Variants in COL5A1 observed in about 807,000 individuals in gnomAD.
COL5A1 encodes the protein collagen alpha-1(V) chain.
COL5A1 carries 16 observed loss-of-function variants against 263.7 expected under a neutral mutation model. That is an observed-to-expected ratio of 0.06 (90% CI 0.04 to 0.09). The LOEUF is 0.09. Among genes scored for constraint, COL5A1 ranks in the 10% least tolerant of loss-of-function variants. The pLI, the probability that COL5A1 is intolerant of heterozygous loss-of-function variation, is 1.00. For synonymous variants in COL5A1, 1,012 were observed against 1,004.5 expected, an observed-to-expected ratio of 1.01 and a Z score of -0.14; for missense variants, 2,036 against 2,540.5, an observed-to-expected ratio of 0.80 and a Z score of 4.27.
Position 134,842,077 on chromosome 9 carries a change from C to G in COL5A1, c.5371-80C>G. ...CACCAGCCTGGGTTTTGGAGCCAGACAGATTGTGGGGGGTGATTGGTAAAC... is the reference window on the plus strand; with the variant it reads ...CACCAGCCTGGGTTTTGGAGCCAGAGAGATTGTGGGGGGTGATTGGTAAAC... On this transcript the variant is annotated intron_variant, in intron 65 of 65. Transcript: ENST00000371817. The surrounding 1 kb of genome is among the most constrained non-coding windows in gnomAD (Gnocchi z 5.8). The G allele has an allele frequency of 1.9e-6, 3 of 1,557,016 alleles. No homozygotes were observed. The highest frequency in any genetic ancestry group is 2.2e-5 in the South Asian group (2 of 89,518).
At chr9:134,740,064 G>A (rs937841485) in intron 11 of COL5A1, among the ~76,000 whole-genome samples, 1 of 152,220 alleles carries the variant, frequency 6.6e-6, no homozygotes, top group Admixed American at 6.5e-5. Context: ...TCCAGAAGAG[G>A]CGGGTCTTGC....
At chr9:134,805,733 G>A (rs999267832) in intron 41 of COL5A1, among the ~76,000 whole-genome samples, 2 of 152,164 alleles carry the variant, frequency 1.3e-5, no homozygotes, top group Non-Finnish European at 1.5e-5. Flanking sequence ...GCACAGCAGA[G>A]AGGGGAGTGG....
At chr9:134,811,444 T>C (rs1180868699) in intron 45 of COL5A1, 48 bp from the exon 46 acceptor site, 2 of 1,613,250 alleles carry the variant, frequency 1.2e-6, no homozygotes, top group Non-Finnish European at 1.7e-6. Context: ...CCCCCAGAGC[T>C]GCTGGCATTG....
In COL5A1 at chr9:134,696,341, T is replaced by G. The variant is rs1464423377; in HGVS notation, c.278-3568T>G. ...GGTGTGTGCCACCACACCCGGCTAA[T>G]TTTTTTTATATTTTTGGCAGAGACA... On this transcript the variant is annotated intron_variant, in intron 2 of 65. Transcript: ENST00000371817. This position sits in a 1 kb window ranked among gnomAD's most constrained non-coding sequence, Gnocchi z 4.3. Among the ~76,000 whole-genome samples the G allele has an allele frequency of 6.6e-6, 1 of 151,930 alleles. No individual in the cohort carries two copies. Among genetic ancestry groups the G allele is most frequent in the Non-Finnish European group, 1.5e-5 (1 of 67,974 alleles).
chr9:134,796,925 G>A lies in COL5A1; in HGVS notation c.2898+24G>A, dbSNP rs755953706. ...CTGTAAGTAATGGCTTCCTTGCTGG[G>A]CCAGCACTGCCTGTCCCCTCCAAAA... On this transcript the variant is annotated intron_variant, in intron 36 of 65. Coordinates refer to ENST00000371817, the MANE Select transcript of COL5A1 (RefSeq NM_000093.5). 70 of 1,607,320 alleles carry A rather than the reference G, an allele frequency of 4.4e-5. No individual in the cohort carries two copies. In the East Asian group the frequency reaches 7.8e-4, roughly 18 times the overall value.
intron 1 of COL5A1, among the ~76,000 whole-genome samples, chr9:134,654,610 A>AGGGTGTGTAGGGCTGG (rs1831863279): frequency 8.0e-5 from 1 of 12,490 alleles, no homozygotes; most frequent in Non-Finnish European, 1.5e-4. Flanking sequence ...TGTAGGGCTG[A>AGGGTGTGTAGGGCTGG]GGGTGTGTAG....
chr9:134,651,047 G>T (rs1280476910), intron 1 of COL5A1, among the ~76,000 whole-genome samples: 2 of 152,194 alleles, frequency 1.3e-5, no homozygotes, highest in South Asian at 2.1e-4. Flanking sequence ...GCGTGGCTCC[G>T]CTCCCTCCTG....
chr9:134,760,206 TAC>T (rs138000266), intron 18 of COL5A1, among the ~76,000 whole-genome samples: 2 of 76,790 alleles, frequency 2.6e-5, no homozygotes, highest in African/African-American at 1.0e-4. Flanking sequence ...CCCACACTCA[TAC>T]ACACATGCAC....
chr9:134,780,225 C>T, intron 28 of COL5A1, 79 bp downstream of exon 28: 1 of 1,387,528 alleles, frequency 7.2e-7, no homozygotes, highest in Middle Eastern at 1.8e-4. Context: ...TCCCACAATG[C>T]TTCTTCCATG....
intron 4 of COL5A1, chr9:134,709,126 C>T (rs543807488): frequency 4.1e-5 from 15 of 363,280 alleles, no homozygotes; most frequent in Middle Eastern, 9.4e-4. Flanking sequence ...CTGGGAGTTC[C>T]GACCTGGACC....
At chr9:134,726,731 T>C (rs914822993) in intron 4 of COL5A1, among the ~76,000 whole-genome samples, 2 of 149,742 alleles carry the variant, frequency 1.3e-5, no homozygotes, top group Non-Finnish European at 3.0e-5. Context: ...GACAGATGGG[T>C]GAATGGATGA....
chr9:134,644,095 A>G (rs537085819), intron 1 of COL5A1, among the ~76,000 whole-genome samples: 1 of 151,994 alleles, frequency 6.6e-6, no homozygotes, highest in South Asian at 2.1e-4. Flanking sequence ...CACTTTTCTT[A>G]GTGAGTTTTG....
intron 2 of COL5A1, among the ~76,000 whole-genome samples, chr9:134,699,476 CCCCT>C (rs908431512): frequency 2.6e-5 from 4 of 151,100 alleles, no homozygotes; most frequent in African/African-American, 9.8e-5. Flanking sequence ...TCCCTCCCTC[CCCCT>C]CCCTCCCTCC....
chr9:134,738,936 C>A, intron 11 of COL5A1, 128 bp downstream of exon 11: 1 of 774,078 alleles, frequency 1.3e-6, no homozygotes, highest in Non-Finnish European at 2.3e-6. Flanking sequence ...TCAAATCCCC[C>A]CTCACCCAGG....
chr9:134,802,958 A>G lies in COL5A1; in HGVS notation c.3077A>G (p.Gln1026Arg). Residue 1026 changes from glutamine to arginine, a missense_variant, in exon 39 of 66, where the codon CAG becomes CGG. This residue lies in a region of COL5A1 where 1,078 missense variants were observed against 1,521.4 expected (regional missense o/e 0.71). Transcript: ENST00000371817. ...GGGCCCCCTGGACCCCCCGGTGAAC[A>G]GGGGCTTCCGGGCCTTGCTGGAAAA... ...HPGPPGPPGEQGLPGLAGKEG... is the reference protein window; with the variant it reads ...HPGPPGPPGERGLPGLAGKEG... 6.2e-7 allele frequency: 1 copy of G among 1,610,376 alleles called. No individual in the cohort carries two copies. Among genetic ancestry groups the G allele is most frequent in the Non-Finnish European group, 8.5e-7 (1 of 1,178,886 alleles).
chr9:134,722,351 G>A (rs1345500821), intron 4 of COL5A1, among the ~76,000 whole-genome samples: 4 of 152,200 alleles, frequency 2.6e-5, no homozygotes, highest in Non-Finnish European at 5.9e-5. Flanking sequence ...GTGGGTGTTC[G>A]TTACCTAGCC....
chr9:134,652,479 G>A lies in COL5A1; in HGVS notation c.109+10183G>A, dbSNP rs571932440. On this transcript the variant is annotated intron_variant, in intron 1 of 65. Transcript: ENST00000371817. The surrounding 1 kb of genome is among the most constrained non-coding windows in gnomAD (Gnocchi z 4.4). Reference sequence around the variant, plus strand: ...TGCCCCTGAAACAGGTGGACATCATGGCTTCTCAGCCCAGGCCATTTGGGG... The same window carrying A: ...TGCCCCTGAAACAGGTGGACATCATAGCTTCTCAGCCCAGGCCATTTGGGG... 2.0e-5 allele frequency among the ~76,000 whole-genome samples: 3 copies of A among 152,288 alleles called. No individual in the cohort carries two copies. The East Asian group carries it at 5.8e-4, about 29-fold the overall frequency.
rs143788084 is a variant in COL5A1, at chr9:134,779,295, C to T, written c.2386-807C>T. On this transcript the variant is annotated intron_variant, in intron 27 of 65. Coordinates refer to ENST00000371817, the MANE Select transcript of COL5A1 (RefSeq NM_000093.5). ...CAGCAAGGGTGTGGCTGCGTAATTC[C>T]ACCCCACAGATTTACCTCCACTGCC... is the stretch of plus-strand genomic sequence containing the variant. 1.3e-3 allele frequency among the ~76,000 whole-genome samples: 200 copies of T among 152,310 alleles called. 1 individual carries two copies. The highest frequency in any genetic ancestry group is 4.7e-3 in the African/African-American group (196 of 41,558).
rs10776902 is a variant in COL5A1, at chr9:134,796,202, T to C, written c.2800-172T>C. ...AGGCACGGGGACAGGCAGGCTTTGA[T>C]AGCCACAGATCAGCGCCAATGCCTT... On this transcript the variant is annotated intron_variant, in intron 34 of 65. Coordinates refer to ENST00000371817, the MANE Select transcript of COL5A1 (RefSeq NM_000093.5). Among the ~76,000 whole-genome samples, 100,623 of 152,190 alleles carry C rather than the reference T, an allele frequency of 0.66. 34,413 individuals are homozygous for C. Among genetic ancestry groups the C allele is most frequent in the African/African-American group, 0.84 (34,986 of 41,558 alleles).
Sources: allele counts gnomAD v4.1 joint callset (sites outside exome capture counted in the v4.1 genomes callset), GRCh38; gene constraint gnomAD v4.1.1; regional missense constraint gnomAD v4.1.1; non-coding constraint Gnocchi (gnomAD v3.1); transcripts MANE v1.5; gene names NCBI Gene and HGNC (gene_info 2026-07-23, HGNC 2026-07-21).